Variants in KDM4C observed in about 807,000 individuals in gnomAD.
KDM4C encodes the protein lysine demethylase 4C, also known as lysine-specific demethylase 4C.
A neutral mutation model predicts 129.3 loss-of-function variants in KDM4C; 81 were observed. The ratio of observed to expected loss-of-function variants is 0.63; its 90% confidence interval spans 0.52 to 0.75. The LOEUF (loss-of-function observed/expected upper bound fraction) is 0.75, where lower values mean the gene tolerates loss of function less well. Ranked by LOEUF, KDM4C falls within the 30% of genes least tolerant of loss-of-function variation. The probability of loss-of-function intolerance (pLI) is 0.00; values close to 1 mark genes in which losing one functional copy is unlikely to be tolerated. For missense variants in KDM4C, 1,457 were observed against 1,304.0 expected, an observed-to-expected ratio of 1.12 and a Z score of -1.81; for synonymous variants, 573 against 456.1, an observed-to-expected ratio of 1.26 and a Z score of -3.26.
At chr9:6,925,155 G>T in intron 8 of KDM4C, 1 of 985,374 alleles carries the variant, frequency 1.0e-6, no homozygotes, top group Non-Finnish European at 1.2e-6. Context: ...GTGCCTCACT[G>T]GAAGTCCTTA....
At chr9:7,011,012 C>A (rs568357142) in intron 12 of KDM4C, among the ~76,000 whole-genome samples, 4 of 151,942 alleles carry the variant, frequency 2.6e-5, no homozygotes, top group South Asian at 2.1e-4. Flanking sequence ...CCATTGTACT[C>A]CAGCCTGGGC....
At chr9:7,035,038 G>T (rs901343533) in intron 15 of KDM4C, among the ~76,000 whole-genome samples, 4 of 151,816 alleles carry the variant, frequency 2.6e-5, no homozygotes, top group African/African-American at 9.7e-5. Context: ...TTGAGACAGG[G>T]TCTCACTTCC....
chr9:7,061,419 C>G (rs112343371), intron 17 of KDM4C, among the ~76,000 whole-genome samples: 11 of 152,278 alleles, frequency 7.2e-5, no homozygotes, highest in African/African-American at 2.6e-4. Context: ...ATGAGGCTGT[C>G]CTTGGATGTC....
At chr9:7,030,196 G>C (rs923535079) in intron 15 of KDM4C, among the ~76,000 whole-genome samples, 1 of 152,046 alleles carries the variant, frequency 6.6e-6, no homozygotes, top group Non-Finnish European at 1.5e-5. Context: ...AAAAATTAGG[G>C]ACCTTAAATA....
At chr9:6,852,575 G>C (rs1313817419) in intron 5 of KDM4C, among the ~76,000 whole-genome samples, 1 of 152,184 alleles carries the variant, frequency 6.6e-6, no homozygotes, top group Non-Finnish European at 1.5e-5. Context: ...TCTTCTGCCT[G>C]TCCTCTCCTT....
chr9:6,969,611 G>A (rs963146402), intron 8 of KDM4C, among the ~76,000 whole-genome samples: 3 of 152,042 alleles, frequency 2.0e-5, no homozygotes, highest in Non-Finnish European at 4.4e-5. Flanking sequence ...ACCTGATAAC[G>A]CATTCCATCC....
At chr9:7,037,407 A>G (rs1827842664) in intron 15 of KDM4C, among the ~76,000 whole-genome samples, 1 of 152,206 alleles carries the variant, frequency 6.6e-6, no homozygotes, top group Non-Finnish European at 1.5e-5. Context: ...CTCGGCTGCA[A>G]ATAATGAACA....
intron 4 of KDM4C, among the ~76,000 whole-genome samples, chr9:6,845,555 G>A (rs542896365): frequency 3.9e-5 from 6 of 152,292 alleles, no homozygotes; most frequent in South Asian, 4.1e-4. Context: ...CTGATAGGAG[G>A]AAGATACTAT....
intron 5 of KDM4C, among the ~76,000 whole-genome samples, chr9:6,865,008 CTT>C (rs777981928): frequency 6.3e-5 from 8 of 126,568 alleles, no homozygotes; most frequent in African/African-American, 1.2e-4. Flanking sequence ...AAATTTCTTT[CTT>C]TTTTTTTTTT....
At position 6,834,938 on chromosome 9, in the gene KDM4C, A is replaced by G. The variant is rs540119728; in HGVS notation, c.436-14569A>G. The stretch of plus-strand genomic sequence containing the variant: ...GGACTCCGGTGACGGGGTCACCCAC[A>G]GTGTGCCCATCTGCGAGGGATATGC... On this transcript the variant is annotated intron_variant, in intron 4 of 21. Coordinates refer to ENST00000381309, the MANE Select transcript of KDM4C (RefSeq NM_015061.6). 5 of 1,109,092 alleles carry G rather than the reference A, an allele frequency of 4.5e-6. No homozygotes were observed. In the African/African-American group the frequency reaches 6.1e-5, roughly 14 times the overall value. The allele number at this position is 1,109,092 out of a possible 1,614,324, so 68.7% of individuals were successfully genotyped here.
At chr9:6,932,833 A>G (rs1824006885) in intron 8 of KDM4C, among the ~76,000 whole-genome samples, 1 of 152,362 alleles carries the variant, frequency 6.6e-6, no homozygotes, top group South Asian at 2.1e-4. Flanking sequence ...AAAACATCGT[A>G]CAATACACAG....
chr9:7,174,695 G>C lies in KDM4C; in HGVS notation c.3137G>C (p.Ser1046Thr). The C allele has an allele frequency of 6.2e-7, 1 of 1,614,138 alleles. No individual in the cohort carries two copies. The highest frequency in any genetic ancestry group is 1.3e-5 in the African/African-American group (1 of 75,050). Residue 1046 changes from serine to threonine, a missense_variant, in exon 22 of 22, where the codon AGC becomes ACC. Physicochemically the swap from Ser to Thr is moderately conservative, Grantham distance 58. Transcript: ENST00000381309. ...CCTGTATACCGCACTTTTTTGAAGA[G>C]CTCTTTCCAGAAGAAGTGCCAGAAG... Reference protein sequence around the residue: ...ADPVYRTFLKSSFQKKCQKRQ With the variant: ...ADPVYRTFLKTSFQKKCQKRQ
chr9:7,115,006 G>A (rs1468278209), intron 18 of KDM4C, among the ~76,000 whole-genome samples: 1 of 152,098 alleles, frequency 6.6e-6, no homozygotes, highest in Non-Finnish European at 1.5e-5. Flanking sequence ...TTGAGCCCAG[G>A]AGGTAAAGAT....
Position 6,805,758 on chromosome 9 carries a change from C to G in KDM4C, c.304C>G (p.Leu102Val), listed in dbSNP as rs749351849. ...KAMTVKEFRQ[L>V]ANSGKYCTPR... Reference sequence around the variant, plus strand: ...GATGACTGTGAAGGAGTTCAGGCAGCTGGCCAACAGTGGCAAGTGAGTAGA... The same window carrying G: ...GATGACTGTGAAGGAGTTCAGGCAGGTGGCCAACAGTGGCAAGTGAGTAGA... The change falls in exon 3 of 22, where the codon CTG becomes GTG. Residue 102 changes from leucine (L) to valine (V), a missense_variant. By Grantham distance (32) the Leu-to-Val change is conservative. Transcript: ENST00000381309. 1.9e-6 allele frequency: 3 copies of G among 1,612,012 alleles called. No homozygotes were observed. The highest frequency in any genetic ancestry group is 2.5e-6 in the Non-Finnish European group (3 of 1,179,358).
intron 12 of KDM4C, among the ~76,000 whole-genome samples, chr9:7,002,429 C>T (rs1820897740): frequency 6.6e-6 from 1 of 152,094 alleles, no homozygotes; most frequent in East Asian, 1.9e-4. Flanking sequence ...ACCTTAAATA[C>T]ATAATATTTT....
intron 17 of KDM4C, among the ~76,000 whole-genome samples, chr9:7,062,715 C>G (rs1831880683): frequency 6.6e-6 from 1 of 151,832 alleles, no homozygotes; most frequent in Non-Finnish European, 1.5e-5. Context: ...TTTGAACTTA[C>G]AGAATTATTC....
At chr9:6,966,245 G>A (rs750873868) in intron 8 of KDM4C, among the ~76,000 whole-genome samples, 1 of 151,998 alleles carries the variant, frequency 6.6e-6, no homozygotes. Context: ...TGCAGTGGCG[G>A]GATCTCGGCT....
intron 8 of KDM4C, among the ~76,000 whole-genome samples, chr9:6,948,691 C>T (rs534364339): frequency 4.6e-5 from 7 of 151,848 alleles, no homozygotes; most frequent in South Asian, 2.1e-4. Context: ...TGACTCTTAA[C>T]GAGCATGCTG....
chr9:6,752,456 G>A (rs1316160283), intron 1 of KDM4C, among the ~76,000 whole-genome samples: 1 of 142,624 alleles, frequency 7.0e-6, no homozygotes, highest in Non-Finnish European at 1.5e-5. Context: ...TGTTGCCCAA[G>A]CTGGAATGCA....
Sources: allele counts gnomAD v4.1 joint callset (sites outside exome capture counted in the v4.1 genomes callset), GRCh38; gene constraint gnomAD v4.1.1; transcripts MANE v1.5; gene names NCBI Gene and HGNC (gene_info 2026-07-23, HGNC 2026-07-21).